Variants in TMF1 observed in about 807,000 individuals in gnomAD.
TMF1 encodes TATA element modulatory factor 1.
TMF1 carries 71 observed loss-of-function variants against 126.5 expected under a neutral mutation model. The observed-to-expected ratio is 0.56, with a 90% CI of 0.46 to 0.68. TMF1 has a LOEUF of 0.68. Ranked by LOEUF, TMF1 falls within the 30% of genes least tolerant of loss-of-function variation. TMF1 has a pLI of 0.00. For synonymous variants in TMF1, 461 were observed against 430.5 expected, an observed-to-expected ratio of 1.07 and a Z score of -0.88; for missense variants, 1,259 against 1,253.2, an observed-to-expected ratio of 1.00 and a Z score of -0.07.
chr3:69,034,063 TCAG>T, intron 9 of TMF1: 1 of 169,958 alleles, frequency 5.9e-6, no homozygotes, highest in East Asian at 1.7e-4. Context: ...TCTGACTGCC[TCAG>T]CCTCCCAAAG....
chr3:69,042,068 A>T (rs889569619), intron 5 of TMF1, among the ~76,000 whole-genome samples: 1 of 151,948 alleles, frequency 6.6e-6, no homozygotes, highest in Non-Finnish European at 1.5e-5. Context: ...ACAAAGTCTC[A>T]CTCTGTCGCC....
intron 8 of TMF1, among the ~76,000 whole-genome samples, chr3:69,035,801 A>T (rs1353399876): frequency 6.6e-6 from 1 of 152,176 alleles, no homozygotes; most frequent in African/African-American, 2.4e-5. Flanking sequence ...AAATGGAAAA[A>T]CTATAAAATA....
intron 10 of TMF1, 141 bp from the exon 11 acceptor site, chr3:69,030,148 G>A (rs1033203286): frequency 9.7e-6 from 6 of 616,490 alleles, no homozygotes; most frequent in Middle Eastern, 2.8e-4. Flanking sequence ...AGGCAGGACT[G>A]TCTACTGAGA....
At chr3:69,047,104 A>G (rs1432432900) in intron 2 of TMF1, among the ~76,000 whole-genome samples, 1 of 152,228 alleles carries the variant, frequency 6.6e-6, no homozygotes, top group Non-Finnish European at 1.5e-5. Flanking sequence ...TCAAAAATAA[A>G]GATGTAAGAT....
At chr3:69,050,746 A>T (rs1029452280) in intron 1 of TMF1, among the ~76,000 whole-genome samples, 1 of 152,210 alleles carries the variant, frequency 6.6e-6, no homozygotes, top group African/African-American at 2.4e-5. Context: ...AATATCTTAA[A>T]CTGAGGTACC....
chr3:69,039,609 A>G lies in TMF1; in HGVS notation c.1769T>C (p.Val590Ala). 1.9e-6 allele frequency: 3 copies of G among 1,613,758 alleles called. No individual in the cohort carries two copies. The highest frequency in any genetic ancestry group is 1.7e-6 in the Non-Finnish European group (2 of 1,179,910). Residue 590 changes from valine to alanine, a missense_variant, in exon 6 of 17, where the codon GTT becomes GCT. Val to Ala is a moderately conservative substitution (Grantham distance 64, BLOSUM62 0). Coordinates refer to ENST00000398559, the MANE Select transcript of TMF1 (RefSeq NM_007114.3). ...RAKDKENENM[V>A]AKLNKKVKEL... ...TTTAACTTTTTTGTTCAGCTTTGCAACCATATTTTCATTCTCCTTGTCTTT... is the reference window on the plus strand; with the variant it reads ...TTTAACTTTTTTGTTCAGCTTTGCAGCCATATTTTCATTCTCCTTGTCTTT...
intron 11 of TMF1, 73 bp downstream of exon 11, chr3:69,029,742 A>G: frequency 7.0e-7 from 1 of 1,432,156 alleles, no homozygotes; most frequent in East Asian, 2.3e-5. Context: ...CGCCCGGCCC[A>G]ACAACATACT....
intron 1 of TMF1, 131 bp from the exon 2 acceptor site, chr3:69,048,693 T>C (rs2091910225): frequency 1.2e-6 from 1 of 842,326 alleles, no homozygotes; most frequent in Non-Finnish European, 1.7e-6. Flanking sequence ...TTGCACCTGC[T>C]AAACTCCTTG....
In TMF1 at chr3:69,029,853, C is replaced by A. The variant is rs939133895; in HGVS notation, c.2556G>T (p.Glu852Asp). 2.5e-5 allele frequency: 40 copies of A among 1,613,256 alleles called. No individual in the cohort carries two copies. Among genetic ancestry groups the A allele is most frequent in the Middle Eastern group, 3.3e-4 (2 of 6,078 alleles). Residue 852 changes from glutamate (E) to aspartate (D), a missense_variant, in exon 11 of 17, where the codon GAG (glutamate) becomes GAT (aspartate). Coordinates refer to ENST00000398559, the MANE Select transcript of TMF1 (RefSeq NM_007114.3). ...NSRFQAQLES[E>D]KNRLCKLEDE... ...CCTCCAGTTTACACAGCCTATTTTTCTCTGATTCTAGCTGGGCTTGAAATC... is the reference window on the plus strand; with the variant it reads ...CCTCCAGTTTACACAGCCTATTTTTATCTGATTCTAGCTGGGCTTGAAATC...
Position 69,048,472 on chromosome 3 carries a change from G to T in TMF1, c.233C>A (p.Pro78His), listed in dbSNP as rs1238837924. 1 of 1,614,108 alleles carries T rather than the reference G, an allele frequency of 6.2e-7. No individual in the cohort carries two copies. Among genetic ancestry groups the T allele is most frequent in the South Asian group, 1.1e-5 (1 of 91,084 alleles). ...TEPQSPPIAS[P>H]KAITKPVRRT... ...CCGAACTGGCTTTGTGATTGCTTTA[G>T]GAGAGGCTATTGGTGGACTCTGAGG... The change falls in exon 2 of 17, where the codon CCT becomes CAT. Residue 78 changes from proline to histidine, a missense_variant. Physicochemically the swap from Pro to His is moderately conservative, Grantham distance 77. Transcript: ENST00000398559.
Position 69,038,854 on chromosome 3 carries a change from A to G in TMF1, c.1983T>C (p.Asp661=). The G allele has an allele frequency of 6.2e-7, 1 of 1,608,058 alleles. No individual in the cohort carries two copies. The highest frequency in any genetic ancestry group is 8.5e-7 in the Non-Finnish European group (1 of 1,177,876). The stretch of plus-strand genomic sequence containing the variant: ...GTTCATTTTCTTACTTGTATGCACT[A>G]TCCAGGGCAGCCTGAATACTTCGGT... ...EKNRSIQAAL[D]SAYKELTDLH... The change falls in exon 7 of 17, where the codon GAT becomes GAC. Residue 661 remains aspartate (D), a synonymous_variant. Transcript: ENST00000398559.
intron 11 of TMF1, among the ~76,000 whole-genome samples, chr3:69,029,180 T>A (rs1223396521): frequency 6.6e-6 from 1 of 151,436 alleles, no homozygotes; most frequent in East Asian, 2.0e-4. Flanking sequence ...ATTACAGGCG[T>A]CTGCCACCAT....
rs41291197 is a variant in TMF1, at chr3:69,052,218, C to T, written c.-132G>A. Reference sequence around the variant, plus strand: ...TTCTGTCAGCGTGTGGCCATTACCCCGACAGCCTCCCGCGAGCCCGGGATG... The same window carrying T: ...TTCTGTCAGCGTGTGGCCATTACCCTGACAGCCTCCCGCGAGCCCGGGATG... On this transcript the variant is annotated 5_prime_UTR_variant, in exon 1 of 17. Transcript: ENST00000398559. 102,815 of 1,015,186 alleles carry T rather than the reference C, an allele frequency of 0.1. 6,004 individuals are homozygous for T. The highest frequency in any genetic ancestry group is 0.12 in the Non-Finnish European group (86,473 of 726,604). The allele number at this position is 1,015,186 out of a possible 1,614,324, so 62.9% of individuals were successfully genotyped here.
Position 69,022,355 on chromosome 3 carries a change from G to C in TMF1, c.*822C>G, listed in dbSNP as rs536668264. The C allele has an allele frequency of 5.3e-5, 8 of 152,152 alleles. No homozygotes were observed. The highest frequency in any genetic ancestry group is 3.3e-4 in the Admixed American group (5 of 15,280). 9.4% of individuals were successfully genotyped at this position (152,152 alleles called of 1,614,324 possible). ...TTATGTTAAGAACTTTATTATTTTC[G>C]ATTCATTTTATAGGGTAGTAAAATA... is the stretch of plus-strand genomic sequence containing the variant. On this transcript the variant is annotated 3_prime_UTR_variant, in exon 17 of 17. Transcript: ENST00000398559.
At chr3:69,034,213 G>A (rs2091820296) in intron 9 of TMF1, among the ~76,000 whole-genome samples, 1 of 152,102 alleles carries the variant, frequency 6.6e-6, no homozygotes, top group East Asian at 1.9e-4. Context: ...TGGCTCATGT[G>A]TGTAATCCCA....
At chr3:69,043,569 T>C (rs2091879311) in intron 4 of TMF1, among the ~76,000 whole-genome samples, 181 bp downstream of exon 4, 1 of 152,128 alleles carries the variant, frequency 6.6e-6, no homozygotes, top group Non-Finnish European at 1.5e-5. Context: ...AGCCTCCCAG[T>C]GTGCTGGGAT....
intron 11 of TMF1, among the ~76,000 whole-genome samples, chr3:69,029,042 ATT>A (rs202102186): frequency 6.8e-6 from 1 of 146,242 alleles, no homozygotes; most frequent in Admixed American, 6.8e-5. Context: ...TACTTTATTT[ATT>A]TTTTTTTTTT....
chr3:69,051,902 A>G (rs748855420), intron 1 of TMF1, 43 bp downstream of exon 1: 2 of 1,602,714 alleles, frequency 1.2e-6, no homozygotes, highest in South Asian at 1.1e-5. Flanking sequence ...TCAAGAGAAC[A>G]GCAGCCTCCG....
rs772698238 is a variant in TMF1, at chr3:69,042,802, C to G, written c.1684+5G>C. ...TTTTCATAGTCAACCAAATACTATA[C>G]GCACCTTCTTCCATTAACCCTCGGA... On this transcript the variant is annotated splice_donor_5th_base_variant and intron_variant, in intron 5 of 16. Transcript: ENST00000398559. 1 of 1,609,678 alleles carries G rather than the reference C, an allele frequency of 6.2e-7. No individual in the cohort carries two copies. Among genetic ancestry groups the G allele is most frequent in the Admixed American group, 1.7e-5 (1 of 59,950 alleles).
Sources: gnomAD v4.1 joint callset for allele counts (sites outside exome capture counted in the v4.1 genomes callset) on GRCh38, gnomAD v4.1.1 for gene constraint, MANE v1.5 for transcripts, NCBI Gene and HGNC (gene_info 2026-07-23, HGNC 2026-07-21) for gene names.